The following CCR3 variants were observed in gnomAD, a reference collection of about 807,000 sequenced individuals.
CCR3 encodes C-C motif chemokine receptor 3.
For synonymous variants in CCR3, 203 were observed against 179.2 expected (o/e 1.13, Z -1.06); for missense variants, 419 against 437.5 (o/e 0.96, Z 0.38).
intron 2 of CCR3, among the ~76,000 whole-genome samples, chr3:46,218,928 A>T (rs1460243572): frequency 1.3e-5 from 2 of 152,196 alleles, no homozygotes; most frequent in Non-Finnish European, 2.9e-5. Context: ...CAAGACAAGG[A>T]TGCCCACTTT....
At chr3:46,260,047 G>A (rs1235323003) in intron 1 of CCR3, among the ~76,000 whole-genome samples, 2 of 152,192 alleles carry the variant, frequency 1.3e-5, no homozygotes, top group Admixed American at 6.5e-5. Flanking sequence ...TGGCAGACAA[G>A]AGAAGAAGAG....
chr3:46,258,437 T>C (rs545887379), intron 1 of CCR3, among the ~76,000 whole-genome samples: 26 of 152,328 alleles, frequency 1.7e-4, no homozygotes, highest in African/African-American at 5.8e-4. Context: ...TTTGATCTTT[T>C]GGGATTTCAA....
At chr3:46,261,776 A>C (rs1700529590) in intron 1 of CCR3, among the ~76,000 whole-genome samples, 1 of 152,194 alleles carries the variant, frequency 6.6e-6, no homozygotes, top group Admixed American at 6.5e-5. Flanking sequence ...ATGGGCAGGG[A>C]GTCAAGGAGC....
intron 2 of CCR3, among the ~76,000 whole-genome samples, chr3:46,229,586 G>T (rs889780084): frequency 2.0e-5 from 3 of 151,990 alleles, no homozygotes; most frequent in Non-Finnish European, 4.4e-5. Context: ...GACTGCAAAG[G>T]GACACAAAGA....
At chr3:46,211,847 G>A (rs1246263489) in intron 2 of CCR3, among the ~76,000 whole-genome samples, 1 of 152,102 alleles carries the variant, frequency 6.6e-6, no homozygotes, top group Non-Finnish European at 1.5e-5. Flanking sequence ...AAGCACCTGG[G>A]AATAAGCATG....
intron 1 of CCR3, among the ~76,000 whole-genome samples, chr3:46,246,401 C>T (rs1002571958): frequency 6.6e-5 from 10 of 151,348 alleles, no homozygotes; most frequent in South Asian, 4.2e-4. Context: ...AGGGTGGGGC[C>T]GTTTTATAGG....
At chr3:46,220,780 C>T (rs1275026242) in intron 2 of CCR3, among the ~76,000 whole-genome samples, 2 of 152,148 alleles carry the variant, frequency 1.3e-5, no homozygotes, top group Admixed American at 6.5e-5. Flanking sequence ...TATGGTCTCA[C>T]CTATAAGTGG....
At chr3:46,220,821 G>A (rs1028117378) in intron 2 of CCR3, among the ~76,000 whole-genome samples, 5 of 152,164 alleles carry the variant, frequency 3.3e-5, no homozygotes, top group Admixed American at 6.5e-5. Flanking sequence ...AAAGGCATCA[G>A]AATGACATAA....
At chr3:46,264,442 G>A in intron 1 of CCR3, 1 of 1,526,040 alleles carries the variant, frequency 6.6e-7, no homozygotes, top group Non-Finnish European at 8.7e-7. Flanking sequence ...GAGCACACAA[G>A]CCAGGTTCCT....
chr3:46,249,983 T>C (rs537054274), intron 1 of CCR3, among the ~76,000 whole-genome samples: 2 of 152,054 alleles, frequency 1.3e-5, no homozygotes, highest in South Asian at 4.2e-4. Context: ...CGGGAGCAGA[T>C]TGGGTAATAA....
At chr3:46,264,185 C>T in intron 1 of CCR3, 1 of 512,408 alleles carries the variant, frequency 2.0e-6, no homozygotes, top group Admixed American at 3.8e-5. Context: ...ATCCCATTGA[C>T]TGACCCCTCC....
At chr3:46,252,132 A>G (rs1284600759) in intron 1 of CCR3, among the ~76,000 whole-genome samples, 2 of 147,452 alleles carry the variant, frequency 1.4e-5, no homozygotes, top group African/African-American at 5.0e-5. Context: ...CAGTAGCCAC[A>G]TTTCAAGTGC....
At chr3:46,211,975 C>G (rs778982424) in intron 2 of CCR3, among the ~76,000 whole-genome samples, 2 of 152,182 alleles carry the variant, frequency 1.3e-5, no homozygotes, top group South Asian at 4.1e-4. Flanking sequence ...TTGATACCCC[C>G]TCCTGTGTCA....
At chr3:46,255,325 T>C in intron 1 of CCR3, among the ~76,000 whole-genome samples, 1 of 152,084 alleles carries the variant, frequency 6.6e-6, no homozygotes, top group East Asian at 1.9e-4. Flanking sequence ...ATTGCAACGA[T>C]TTTCTCCCAA....
chr3:46,245,221 A>C (rs902145534), intron 1 of CCR3, among the ~76,000 whole-genome samples: 2 of 151,840 alleles, frequency 1.3e-5, no homozygotes, highest in African/African-American at 4.8e-5. Context: ...GCATTCATTC[A>C]TGATTTGAAC....
intron 2 of CCR3, among the ~76,000 whole-genome samples, chr3:46,233,926 T>G (rs529516445): frequency 6.6e-6 from 1 of 152,190 alleles, no homozygotes; most frequent in Non-Finnish European, 1.5e-5. Context: ...AGTCCCTCAT[T>G]GAGTCTCAGC....
chr3:46,251,808 G>A (rs1907636), intron 1 of CCR3, among the ~76,000 whole-genome samples: 65,290 of 151,842 alleles, frequency 0.43, 15,100 homozygotes, highest in East Asian at 0.64. Context: ...CAGGAGTGGG[G>A]GTCACAAGGT....
intron 1 of CCR3, among the ~76,000 whole-genome samples, chr3:46,257,124 G>A (rs1700442672): frequency 1.3e-5 from 2 of 152,176 alleles, no homozygotes; most frequent in South Asian, 4.1e-4. Context: ...ATAGCATAGT[G>A]AATTGGCACT....
chr3:46,265,944 T>C lies in CCR3; in HGVS notation c.786T>C (p.Ser262=). The change falls in exon 2 of 2, where the codon TCT becomes TCC. Residue 262 remains serine (S), a synonymous_variant. Coordinates refer to ENST00000395940, the MANE Select transcript of CCR3 (RefSeq NM_178329.3). ...WTPYNVAILL[S]SYQSILFGND... is the part of the protein sequence containing the mutation. ...CCTACAATGTGGCTATCCTTCTCTC[T>C]TCCTATCAATCCATCTTATTTGGAA... The C allele has an allele frequency of 1.9e-6, 3 of 1,614,154 alleles. No homozygotes were observed. Among genetic ancestry groups the C allele is most frequent in the South Asian group, 1.1e-5 (1 of 91,080 alleles).
Sources: gnomAD v4.1 joint callset for allele counts (sites outside exome capture counted in the v4.1 genomes callset) on GRCh38, gnomAD v4.1.1 for gene constraint, MANE v1.5 for transcripts, NCBI Gene and HGNC (gene_info 2026-07-23, HGNC 2026-07-21) for gene names.